The following PALM2AKAP2 variants were observed in gnomAD, a reference collection of about 807,000 sequenced individuals.
PALM2AKAP2 encodes the protein PALM2 and AKAP2 fusion, also known as PALM2-AKAP2 fusion protein.
In PALM2AKAP2, 37 loss-of-function variants were observed where a neutral mutation model predicts 71.5. The ratio of observed to expected loss-of-function variants is 0.52; its 90% confidence interval spans 0.40 to 0.68. The LOEUF is 0.68. Ranked by LOEUF, PALM2AKAP2 falls within the 30% of genes least tolerant of loss-of-function variation. The pLI is 0.00. For missense variants in PALM2AKAP2, 1,224 were observed against 1,191.8 expected (o/e 1.03, Z -0.40); for synonymous variants, 468 against 478.8 (o/e 0.98, Z 0.29).
intron 1 of PALM2AKAP2, among the ~76,000 whole-genome samples, chr9:109,821,481 G>T (rs1279764383): frequency 6.6e-6 from 1 of 152,172 alleles, no homozygotes; most frequent in African/African-American, 2.4e-5. Context: ...CCTCATTTCA[G>T]AATCCCTCAG....
At position 110,111,086 on chromosome 9, in the gene PALM2AKAP2, C is replaced by CTTTTTTTTTT. The variant is rs34958946; in HGVS notation, c.157-25027_157-25018dup. Reference sequence around the variant, plus strand: ...TCCTTTTTTCTTTTCTTTCTTTCTTCTTTTTTTTTTTTTTTTTTTTTTTGA... The same window carrying CTTTTTTTTTT: ...TCCTTTTTTCTTTTCTTTCTTTCTTCTTTTTTTTTTTTTTTTTTTTTTTTTTTTTTTTTGA... On this transcript the variant is annotated intron_variant, in intron 1 of 3. Coordinates refer to ENST00000374525, the Ensembl canonical transcript of PALM2AKAP2. Among the ~76,000 whole-genome samples the CTTTTTTTTTT allele has an allele frequency of 1.7e-3, 142 of 84,190 alleles. 1 individual carries two copies. The highest frequency in any genetic ancestry group is 2.1e-3 in the Non-Finnish European group (101 of 47,498). The allele number at this position is 84,190 out of a possible 152,430, so 55.2% of individuals were successfully genotyped here. A position where few individuals can be genotyped will look rare whatever the true frequency, so the allele number is the denominator to read the frequency against.
chr9:109,852,177 G>A (rs1829038696), intron 1 of PALM2AKAP2, among the ~76,000 whole-genome samples: 1 of 152,142 alleles, frequency 6.6e-6, no homozygotes, highest in Non-Finnish European at 1.5e-5. Flanking sequence ...GTGATGCTGA[G>A]GTTTAGGCAT....
intron 1 of PALM2AKAP2, among the ~76,000 whole-genome samples, chr9:109,720,769 A>C (rs576162099): frequency 9.2e-5 from 14 of 152,370 alleles, no homozygotes; most frequent in African/African-American, 3.4e-4. Flanking sequence ...CAGGCAAAGG[A>C]ACCCACATGC....
intron 2 of PALM2AKAP2, among the ~76,000 whole-genome samples, chr9:109,870,256 T>G (rs1420010202): frequency 1.3e-5 from 2 of 152,210 alleles, no homozygotes; most frequent in Non-Finnish European, 2.9e-5. Context: ...TTGAAGGATA[T>G]GATCACTTTA....
intron 1 of PALM2AKAP2, among the ~76,000 whole-genome samples, chr9:109,703,025 G>A (rs1014625467): frequency 7.2e-5 from 11 of 152,050 alleles, no homozygotes; most frequent in African/African-American, 2.7e-4. Context: ...CACCAAGTTG[G>A]CCAGGTTGAT....
intron 1 of PALM2AKAP2, chr9:109,640,949 C>A: frequency 6.9e-7 from 1 of 1,441,562 alleles, no homozygotes; most frequent in Non-Finnish European, 9.1e-7. Flanking sequence ...AGATCCCGCT[C>A]GGGTCCGCGT....
chr9:109,847,016 G>A (rs955010591), intron 1 of PALM2AKAP2, among the ~76,000 whole-genome samples: 1 of 152,216 alleles, frequency 6.6e-6, no homozygotes, highest in African/African-American at 2.4e-5. Flanking sequence ...TGTGGCCAGT[G>A]GGGAGATGGC....
At chr9:109,729,760 GTTTAAATTTCTGT>G (rs1176691620) in intron 1 of PALM2AKAP2, among the ~76,000 whole-genome samples, 5 of 152,150 alleles carry the variant, frequency 3.3e-5, no homozygotes, top group African/African-American at 1.2e-4. Context: ...TGAAGGACCT[GTTTAAATTTCTGT>G]GCAAGTAGGC....
rs138016500 is a variant in PALM2AKAP2 at position 109,854,160 on chromosome 9, C to T, written c.46-13331C>T. ...TTTCCCTTGTTCCCTGCTGAACCAC[C>T]AGGGTCACTACCAGCAGATCAGAGC... On this transcript the variant is annotated intron_variant, in intron 1 of 9. Transcript: ENST00000302798. 2.2e-4 allele frequency among the ~76,000 whole-genome samples: 33 copies of T among 152,270 alleles called. 1 individual carries two copies. In the East Asian group the frequency reaches 6.4e-3, roughly 29 times the overall value.
chr9:109,963,760 C>T (rs1831893741), intron 6 of PALM2AKAP2, among the ~76,000 whole-genome samples: 2 of 152,230 alleles, frequency 1.3e-5, no homozygotes, highest in African/African-American at 2.4e-5. Context: ...AGCTCACATC[C>T]AGAACTCACA....
chr9:109,837,841 TA>T (rs1229216842), intron 1 of PALM2AKAP2, among the ~76,000 whole-genome samples: 1 of 152,180 alleles, frequency 6.6e-6, no homozygotes, highest in East Asian at 1.9e-4. Flanking sequence ...ATCCTAAATA[TA>T]TATGCACCCA....
chr9:109,886,756 T>C (rs1829975421), intron 3 of PALM2AKAP2, among the ~76,000 whole-genome samples: 1 of 152,172 alleles, frequency 6.6e-6, no homozygotes, highest in Non-Finnish European at 1.5e-5. Flanking sequence ...TTCTCAACAG[T>C]GTACCTGTTC....
intron 1 of PALM2AKAP2, among the ~76,000 whole-genome samples, chr9:109,761,729 T>G (rs980535475): frequency 2.0e-5 from 3 of 152,256 alleles, no homozygotes; most frequent in African/African-American, 7.2e-5. Context: ...CTGCATAGTA[T>G]TCCATGGTGT....
intron 1 of PALM2AKAP2, among the ~76,000 whole-genome samples, chr9:109,656,428 C>G (rs996999198): frequency 3.9e-5 from 6 of 152,092 alleles, no homozygotes; most frequent in African/African-American, 1.4e-4. Context: ...AAAAACATGC[C>G]CATCCCTTGA....
chr9:109,930,889 G>A (rs1348876160), intron 5 of PALM2AKAP2, among the ~76,000 whole-genome samples: 1 of 152,208 alleles, frequency 6.6e-6, no homozygotes, highest in African/African-American at 2.4e-5. Context: ...ATAGAGGACA[G>A]GAGAAGCAGC....
intron 1 of PALM2AKAP2, among the ~76,000 whole-genome samples, chr9:110,094,787 C>CTCCTTTA (rs1264923011): frequency 6.6e-6 from 1 of 152,348 alleles, no homozygotes; most frequent in Non-Finnish European, 1.5e-5. Flanking sequence ...AACCATATCA[C>CTCCTTTA]TCCTTTATCT....
chr9:109,999,371 T>G (rs999404532), intron 6 of PALM2AKAP2, among the ~76,000 whole-genome samples: 3 of 151,018 alleles, frequency 2.0e-5, no homozygotes, highest in Non-Finnish European at 2.9e-5. Flanking sequence ...AATAAATAAA[T>G]AAAATAAAAA....
chr9:109,705,525 A>G (rs1464861119), intron 1 of PALM2AKAP2, among the ~76,000 whole-genome samples: 2 of 152,090 alleles, frequency 1.3e-5, no homozygotes, highest in African/African-American at 4.8e-5. Context: ...TTTGCTTTTG[A>G]CCCATTCACT....
chr9:109,995,519 T>C (rs1832556798), intron 6 of PALM2AKAP2, among the ~76,000 whole-genome samples: 1 of 152,190 alleles, frequency 6.6e-6, no homozygotes. Flanking sequence ...CAGTTCCACA[T>C]GGCTAGGGAG....
Sources: allele counts gnomAD v4.1 joint callset (sites outside exome capture counted in the v4.1 genomes callset), GRCh38; gene constraint gnomAD v4.1.1; transcripts MANE v1.5; gene names NCBI Gene and HGNC (gene_info 2026-07-23, HGNC 2026-07-21).